The following PTPRM variants were observed in gnomAD, a reference collection of about 807,000 sequenced individuals.
PTPRM encodes the protein receptor-type tyrosine-protein phosphatase mu.
In PTPRM, 47 loss-of-function variants were observed where a neutral mutation model predicts 186.7. The observed-to-expected ratio is 0.25, with a 90% CI of 0.20 to 0.32. The LOEUF (loss-of-function observed/expected upper bound fraction) is 0.32. Ranked by LOEUF, PTPRM falls within the 10% of genes least tolerant of loss-of-function variation. PTPRM has a pLI of 1.00. For missense variants in PTPRM, 1,494 were observed against 1,865.0 expected, an observed-to-expected ratio of 0.80 and a Z score of 3.66; for synonymous variants, 668 against 674.9, an observed-to-expected ratio of 0.99 and a Z score of 0.16.
chr18:7,954,404 G>A (rs79584450), intron 6 of PTPRM, among the ~76,000 whole-genome samples: 4,946 of 152,230 alleles, frequency 0.032, 120 homozygotes, highest in Non-Finnish European at 0.046. Context: ...CAGAATGCTC[G>A]ATTCTCCTGT....
intron 9 of PTPRM, among the ~76,000 whole-genome samples, chr18:8,080,892 C>T (rs888046598): frequency 5.9e-5 from 9 of 152,138 alleles, no homozygotes; most frequent in Non-Finnish European, 1.2e-4. Context: ...TCTGCCTGTG[C>T]CATCCCATCG....
chr18:7,779,839 T>C (rs1254151087), intron 2 of PTPRM, among the ~76,000 whole-genome samples: 2 of 152,232 alleles, frequency 1.3e-5, no homozygotes, highest in South Asian at 2.1e-4. Flanking sequence ...TGCTATGCAT[T>C]GTTTTAGATG....
chr18:8,289,551 C>CACATATATATATACGT (rs1318286908), intron 19 of PTPRM, among the ~76,000 whole-genome samples: 1,480 of 76,312 alleles, frequency 0.019, 15 homozygotes, highest in South Asian at 0.036. Flanking sequence ...TATATATATA[C>CACATATATATATACGT]ATATATATAC....
At chr18:7,769,893 C>G (rs2042193116) in intron 1 of PTPRM, among the ~76,000 whole-genome samples, 1 of 152,094 alleles carries the variant, frequency 6.6e-6, no homozygotes, top group Non-Finnish European at 1.5e-5. Flanking sequence ...GTGTGAGAGA[C>G]AGCGAGAGAG....
intron 1 of PTPRM, among the ~76,000 whole-genome samples, chr18:7,619,460 T>G (rs1480586281): frequency 6.6e-6 from 1 of 152,218 alleles, no homozygotes; most frequent in Non-Finnish European, 1.5e-5. Context: ...TACAGATGGT[T>G]GGCAGTTGCT....
At chr18:8,103,698 T>C (rs942499298) in intron 11 of PTPRM, among the ~76,000 whole-genome samples, 2 of 152,248 alleles carry the variant, frequency 1.3e-5, no homozygotes, top group Non-Finnish European at 2.9e-5. Context: ...GCCGTTTCAC[T>C]TTCCTATCAT....
At chr18:7,910,423 A>G (rs2050201197) in intron 4 of PTPRM, among the ~76,000 whole-genome samples, 2 of 152,230 alleles carry the variant, frequency 1.3e-5, no homozygotes, top group South Asian at 4.1e-4. Flanking sequence ...TACACTCCAC[A>G]GGGTGGGAGC....
chr18:8,337,357 G>A (rs1022567093), intron 22 of PTPRM, among the ~76,000 whole-genome samples: 6 of 152,160 alleles, frequency 3.9e-5, no homozygotes, highest in African/African-American at 1.4e-4. Context: ...TACTTTACAT[G>A]AGAGTGTGGG....
chr18:7,786,827 T>C (rs1344543879), intron 2 of PTPRM, among the ~76,000 whole-genome samples: 1 of 152,240 alleles, frequency 6.6e-6, no homozygotes, highest in Non-Finnish European at 1.5e-5. Flanking sequence ...GTGACCTTTC[T>C]AACACTGCAA....
At chr18:7,802,572 A>C (rs192913630) in intron 2 of PTPRM, among the ~76,000 whole-genome samples, 3 of 152,314 alleles carry the variant, frequency 2.0e-5, no homozygotes, top group South Asian at 2.1e-4. Context: ...CTGATACTTT[A>C]ATATGACAGC....
chr18:7,594,204 A>G lies in PTPRM; in HGVS notation c.73+26313A>G, dbSNP rs890558850. Among the ~76,000 whole-genome samples, 4 of 152,218 alleles carry G rather than the reference A, an allele frequency of 2.6e-5. No individual in the cohort carries two copies. The East Asian group carries it at 5.8e-4, about 22-fold the overall frequency. On this transcript the variant is annotated intron_variant, in intron 1 of 32. Coordinates refer to ENST00000580170, the MANE Select transcript of PTPRM (RefSeq NM_001105244.2). Reference sequence around the variant, plus strand: ...ATTTGAAGTGGGTCATAAAAAGAAAAGAAAATTGTCCAGGCGTGGTGGCTC... The same window carrying G: ...ATTTGAAGTGGGTCATAAAAAGAAAGGAAAATTGTCCAGGCGTGGTGGCTC...
intron 14 of PTPRM, among the ~76,000 whole-genome samples, chr18:8,181,433 C>T (rs372597821): frequency 2.6e-5 from 4 of 152,274 alleles, no homozygotes; most frequent in African/African-American, 7.2e-5. Context: ...GCGACCTCTG[C>T]GGATCACGCA....
chr18:8,379,922 A>G (rs552549899), intron 28 of PTPRM, among the ~76,000 whole-genome samples: 11 of 152,364 alleles, frequency 7.2e-5, no homozygotes, highest in Non-Finnish European at 1.0e-4. Context: ...TGTCACACAT[A>G]CAAATTGCTA....
At chr18:7,924,812 C>A (rs541201380) in intron 4 of PTPRM, among the ~76,000 whole-genome samples, 1 of 152,246 alleles carries the variant, frequency 6.6e-6, no homozygotes, top group East Asian at 1.9e-4. Flanking sequence ...AAAATTCCCG[C>A]AGGCAGACCC....
chr18:7,748,919 C>G (rs2041077173), intron 1 of PTPRM: 1 of 152,164 alleles, frequency 6.6e-6, no homozygotes, highest in Admixed American at 6.5e-5. Flanking sequence ...AACTTTTCTT[C>G]TGTAAAAAGT....
At position 8,370,923 on chromosome 18, in the gene PTPRM, G is replaced by C. The variant is rs906394213; in HGVS notation, c.3088G>C (p.Glu1030Gln). The C allele has an allele frequency of 1.2e-6, 2 of 1,604,686 alleles. No homozygotes were observed. Among genetic ancestry groups the C allele is most frequent in the Admixed American group, 1.7e-5 (1 of 59,342 alleles). The change falls in exon 24 of 33, where the codon GAG becomes CAG. Residue 1030 changes from glutamate (E) to glutamine (Q), a missense_variant. Coordinates refer to ENST00000580170, the MANE Select transcript of PTPRM (RefSeq NM_001105244.2). Reference protein sequence around the residue: ...KCCKYWPDDTEIYKDIKVTLI... With the variant: ...KCCKYWPDDTQIYKDIKVTLI... ...CTGCAAATACTGGCCAGATGACACA[G>C]AGATATATAAAGACATTAAAGTTAC...
intron 7 of PTPRM, among the ~76,000 whole-genome samples, chr18:8,030,763 T>C (rs2085912620): frequency 6.6e-6 from 1 of 152,196 alleles, no homozygotes; most frequent in African/African-American, 2.4e-5. Flanking sequence ...CTTAATACGG[T>C]GACAGGTACA....
intron 2 of PTPRM, among the ~76,000 whole-genome samples, chr18:7,782,174 C>T (rs996655183): frequency 2.0e-5 from 3 of 152,160 alleles, no homozygotes; most frequent in Non-Finnish European, 4.4e-5. Context: ...TAGTGAAACA[C>T]CACAGGCTCT....
chr18:8,376,477 G>A lies in PTPRM; in HGVS notation c.3342G>A (p.Arg1114=). The change falls in exon 26 of 33, where the codon AGG becomes AGA. Residue 1114 remains arginine (R), a synonymous_variant. Coordinates refer to ENST00000580170, the MANE Select transcript of PTPRM (RefSeq NM_001105244.2). The part of the protein sequence containing the change: ...LVVHCSAGAG[R]TGCFIVIDIM... Reference sequence around the variant, plus strand: ...TTTCATTCAGTGCTGGTGCAGGGAGGACTGGCTGTTTCATCGTCATTGATA... The same window carrying A: ...TTTCATTCAGTGCTGGTGCAGGGAGAACTGGCTGTTTCATCGTCATTGATA... 6.2e-7 allele frequency: 1 copy of A among 1,614,114 alleles called. No individual in the cohort carries two copies. Among genetic ancestry groups the A allele is most frequent in the South Asian group, 1.1e-5 (1 of 91,070 alleles).
Sources: allele counts gnomAD v4.1 joint callset (sites outside exome capture counted in the v4.1 genomes callset), GRCh38; gene constraint gnomAD v4.1.1; transcripts MANE v1.5; gene names NCBI Gene and HGNC (gene_info 2026-07-23, HGNC 2026-07-21).